SMCO1: variants seen among roughly 807,000 people sequenced by gnomAD.
SMCO1 encodes single-pass membrane and coiled-coil domain-containing protein 1.
Under a neutral mutation model 7.5 loss-of-function variants are expected in SMCO1, and 9 were observed. The observed-to-expected ratio is 1.20, with a 90% CI of 0.72 to 2.09. SMCO1 has a LOEUF of 2.09. Among genes scored for constraint, SMCO1 ranks in the 30% most tolerant of loss-of-function variants. The pLI is 0.00. For synonymous variants in SMCO1, 90 were observed against 93.8 expected, an observed-to-expected ratio of 0.96 and a Z score of 0.23; for missense variants, 219 against 253.1, an observed-to-expected ratio of 0.87 and a Z score of 0.91.
At chr3:196,509,780 CTT>C (rs11337372) in intron 1 of SMCO1, 111 bp from the exon 2 acceptor site, 480 of 715,330 alleles carry the variant, frequency 6.7e-4, no homozygotes, top group African/African-American at 1.8e-3. Flanking sequence ...ATTTGGATAA[CTT>C]TTTTTTTTTT....
upstream of SMCO1, among the ~76,000 whole-genome samples, chr3:196,517,581 C>A (rs1437270194): frequency 6.5e-5 from 3 of 45,846 alleles, no homozygotes; most frequent in South Asian, 7.9e-4. Flanking sequence ...TCTAACAGCA[C>A]CCCCCCATAC....
chr3:196,514,085 C>T (rs1288684706), intron 1 of SMCO1, among the ~76,000 whole-genome samples: 1 of 152,278 alleles, frequency 6.6e-6, no homozygotes, highest in East Asian at 1.9e-4. Flanking sequence ...TTTTCCATTT[C>T]CCATCCATCC....
At chr3:196,514,756 T>C (rs762701826) in intron 1 of SMCO1, among the ~76,000 whole-genome samples, 1 of 152,204 alleles carries the variant, frequency 6.6e-6, no homozygotes, top group African/African-American at 2.4e-5. Context: ...ACGGAATTCT[T>C]TTTTTGGACG....
At chr3:196,514,223 A>G (rs1245809556) in intron 1 of SMCO1, among the ~76,000 whole-genome samples, 1 of 152,152 alleles carries the variant, frequency 6.6e-6, no homozygotes, top group Non-Finnish European at 1.5e-5. Context: ...AGGAAAGTCA[A>G]GGGCCTTCAC....
At chr3:196,514,956 G>T in intron 1 of SMCO1, 1 of 579,592 alleles carries the variant, frequency 1.7e-6, no homozygotes. Context: ...TCGCCAGGCT[G>T]GTCTCAATCT....
intron 2 of SMCO1, 43 bp downstream of exon 2, chr3:196,509,477 C>G: frequency 1.3e-6 from 2 of 1,562,606 alleles, no homozygotes; most frequent in Non-Finnish European, 1.7e-6. Flanking sequence ...TGGAAGCTCT[C>G]ACAAAGCCAC....
rs1211450252 is a variant in SMCO1, at chr3:196,510,860, T to C, written c.51-1191A>G. Among the ~76,000 whole-genome samples the C allele has an allele frequency of 3.3e-5, 5 of 152,194 alleles. 1 individual carries two copies. On this transcript the variant is annotated intron_variant, in intron 1 of 2. Coordinates refer to ENST00000397537, the MANE Select transcript of SMCO1 (RefSeq NM_001077657.3). ...GTCCCCCAATACCCAGCAAAGGTCT[T>C]GCACAGTAATAAAAGTTTCCCTGTA...
chr3:196,518,082 A>G (rs1359194132), upstream of SMCO1, among the ~76,000 whole-genome samples: 1 of 152,244 alleles, frequency 6.6e-6, no homozygotes, highest in Non-Finnish European at 1.5e-5. Context: ...ATGTGCAGAT[A>G]TCATGGCAGC....
chr3:196,510,346 T>C (rs996595271), intron 1 of SMCO1, among the ~76,000 whole-genome samples: 7 of 152,182 alleles, frequency 4.6e-5, no homozygotes, highest in African/African-American at 1.7e-4. Flanking sequence ...AAAGCAGTCA[T>C]TTTTACTATT....
chr3:196,517,887 T>A (rs1446063962), upstream of SMCO1, among the ~76,000 whole-genome samples: 1 of 152,180 alleles, frequency 6.6e-6, no homozygotes, highest in African/African-American at 2.4e-5. Context: ...GAGTCCTCAG[T>A]AATGCTTTTT....
In SMCO1 at chr3:196,508,293, A is replaced by C; in HGVS notation, c.239T>G (p.Val80Gly). ...SMELNILYSY[V>G]IEVLICLHTR... ...ATGCAAGCAGATAAGTACTTCAATG[A>C]CGTAGCTGTATAAAATATTCAATTC... The change falls in exon 3 of 3, where the codon GTC (valine) becomes GGC (glycine). Residue 80 changes from valine (V) to glycine (G), a missense_variant. Coordinates refer to ENST00000397537, the MANE Select transcript of SMCO1 (RefSeq NM_001077657.3). 6.2e-7 allele frequency: 1 copy of C among 1,613,122 alleles called. No individual in the cohort carries two copies. The highest frequency in any genetic ancestry group is 1.1e-5 in the South Asian group (1 of 90,894).
intron 1 of SMCO1, among the ~76,000 whole-genome samples, chr3:196,512,255 C>T (rs1331454164): frequency 6.6e-6 from 1 of 151,920 alleles, no homozygotes; most frequent in Non-Finnish European, 1.5e-5. Context: ...ATGAGGGAAA[C>T]TTGCCTGGGC....
At chr3:196,508,459 T>A (rs1733117719) in intron 2 of SMCO1, 128 bp from the exon 3 acceptor site, 1 of 719,104 alleles carries the variant, frequency 1.4e-6, no homozygotes, top group African/African-American at 1.8e-5. Flanking sequence ...TAGAAAATAT[T>A]TACTTTAGAA....
upstream of SMCO1, among the ~76,000 whole-genome samples, chr3:196,517,226 T>C (rs1482734757): frequency 1.3e-5 from 2 of 151,844 alleles, no homozygotes; most frequent in East Asian, 3.9e-4. Context: ...CCTTGGAATT[T>C]CCTGAGTGAT....
At chr3:196,508,822 A>G (rs1199326615) in intron 2 of SMCO1, among the ~76,000 whole-genome samples, 1 of 149,338 alleles carries the variant, frequency 6.7e-6, no homozygotes, top group Non-Finnish European at 1.5e-5. Context: ...CTGTAATCCC[A>G]GCTACTCGGG....
rs1309914586 is a variant in SMCO1 at position 196,507,868 on chromosome 3, T to G, written c.*19A>C. 6.7e-7 allele frequency: 1 copy of G among 1,498,336 alleles called. No individual in the cohort carries two copies. The highest frequency in any genetic ancestry group is 9.2e-7 in the Non-Finnish European group (1 of 1,092,254). The allele number at this position is 1,498,336 out of a possible 1,614,324, so 92.8% of individuals were successfully genotyped here. ...GATAAATTACTGTAGGTGGAATCAC[T>G]GGGTCATAGGGTAACAGGTTAGTTT... is the stretch of plus-strand genomic sequence containing the variant. On this transcript the variant is annotated 3_prime_UTR_variant, in exon 3 of 3. Coordinates refer to ENST00000397537, the MANE Select transcript of SMCO1 (RefSeq NM_001077657.3).
intron 1 of SMCO1, among the ~76,000 whole-genome samples, chr3:196,513,358 C>T (rs1733300288): frequency 6.6e-6 from 1 of 151,300 alleles, no homozygotes; most frequent in Non-Finnish European, 1.5e-5. Context: ...TGGCCGGGTG[C>T]AGTGGCTCAC....
In SMCO1 at chr3:196,509,617, T is replaced by A. The variant is rs766629351; in HGVS notation, c.103A>T (p.Thr35Ser). The A allele has an allele frequency of 6.2e-7, 1 of 1,614,130 alleles. No individual in the cohort carries two copies. Residue 35 changes from threonine (T) to serine (S), a missense_variant, in exon 2 of 3, where the codon ACC (threonine) becomes TCC (serine). Physicochemically the swap from Thr to Ser is moderately conservative, Grantham distance 58. Coordinates refer to ENST00000397537, the MANE Select transcript of SMCO1 (RefSeq NM_001077657.3). ...LETQFKELDF[T>S]KDNLMQKFEH... Reference sequence around the variant, plus strand: ...AATTTCTGCATCAGGTTATCCTTGGTGAAGTCTAGTTCTTTGAACTGTGTT... The same window carrying A: ...AATTTCTGCATCAGGTTATCCTTGGAGAAGTCTAGTTCTTTGAACTGTGTT...
intron 1 of SMCO1, among the ~76,000 whole-genome samples, chr3:196,513,539 G>A (rs978403814): frequency 2.1e-5 from 3 of 143,940 alleles, no homozygotes; most frequent in African/African-American, 5.1e-5. Context: ...TGAGGCAGGA[G>A]AATCACTTGA....
Sources: gnomAD v4.1 joint callset for allele counts (sites outside exome capture counted in the v4.1 genomes callset) on GRCh38, gnomAD v4.1.1 for gene constraint, MANE v1.5 for transcripts, NCBI Gene and HGNC (gene_info 2026-07-23, HGNC 2026-07-21) for gene names.